The following NAP1L1 variants were observed in gnomAD, a reference collection of about 807,000 sequenced individuals.
The protein encoded by NAP1L1 is nucleosome assembly protein 1 like 1.
A neutral mutation model predicts 58.9 loss-of-function variants in NAP1L1; 9 were observed. The observed-to-expected ratio is 0.15, with a 90% CI of 0.09 to 0.27. NAP1L1 has a LOEUF of 0.27. Among genes scored for constraint, NAP1L1 ranks in the 10% least tolerant of loss-of-function variants. The pLI is 1.00. For missense variants in NAP1L1, 302 were observed against 458.8 expected (o/e 0.66, Z 3.12); for synonymous variants, 130 against 138.3 (o/e 0.94, Z 0.42).
At chr12:76,049,892 C>T in intron 12 of NAP1L1, 107 bp from the exon 13 acceptor site, 1 of 1,212,000 alleles carries the variant, frequency 8.3e-7, no homozygotes, top group Non-Finnish European at 1.2e-6. Flanking sequence ...AAGAGAAAAC[C>T]TACTTTCCTA....
chr12:76,059,313 C>T (rs978789308), intron 6 of NAP1L1, among the ~76,000 whole-genome samples: 15 of 152,326 alleles, frequency 9.8e-5, no homozygotes, highest in Admixed American at 2.6e-4. Context: ...TAATCATCAT[C>T]GTTCTGAGAG....
At chr12:76,062,062 A>C (rs916766613) in intron 4 of NAP1L1, among the ~76,000 whole-genome samples, 14 of 152,220 alleles carry the variant, frequency 9.2e-5, no homozygotes, top group African/African-American at 3.4e-4. Context: ...ACAAACTGGA[A>C]GATAGCAGTT....
chr12:76,071,710 G>C (rs1476524163), intron 2 of NAP1L1, among the ~76,000 whole-genome samples: 1 of 152,102 alleles, frequency 6.6e-6, no homozygotes, highest in Non-Finnish European at 1.5e-5. Flanking sequence ...GCTAAAACAA[G>C]AAAGTAAAAA....
intron 1 of NAP1L1, among the ~76,000 whole-genome samples, chr12:76,075,505 C>CTAG (rs1950140279): frequency 6.6e-6 from 1 of 152,106 alleles, no homozygotes; most frequent in African/African-American, 2.4e-5. Flanking sequence ...TATTACTGAC[C>CTAG]TAGTATCTAT....
At chr12:76,051,826 C>T (rs569161723) in intron 11 of NAP1L1, among the ~76,000 whole-genome samples, 380 of 152,186 alleles carry the variant, frequency 2.5e-3, no homozygotes, top group African/African-American at 9.0e-3. Flanking sequence ...ACCAGCCTGG[C>T]CAACATGGTG....
rs1948572650 is a variant in NAP1L1, at chr12:76,043,724, C to G, written c.*4705G>C. On this transcript the variant is annotated 3_prime_UTR_variant, in exon 15 of 15. Transcript: ENST00000618691. ...TCCTCCTGTTCCTCCACCTGAACTG[C>G]TCACCGTTCAGAGGTTCTTCCTCTC... is the stretch of plus-strand genomic sequence containing the variant. 6.6e-6 allele frequency: 1 copy of G among 152,148 alleles called. No homozygotes were observed. Among genetic ancestry groups the G allele is most frequent in the Non-Finnish European group, 1.5e-5 (1 of 68,040 alleles). 9.4% of individuals were successfully genotyped at this position (152,148 alleles called of 1,614,324 possible).
chr12:76,051,535 C>T (rs1273477229), intron 11 of NAP1L1, among the ~76,000 whole-genome samples: 1 of 152,122 alleles, frequency 6.6e-6, no homozygotes, highest in Admixed American at 6.6e-5. Flanking sequence ...CTAACTAAAT[C>T]AGGTGCCCCT....
At chr12:76,057,755 C>G (rs1949186045) in intron 6 of NAP1L1, 1 of 1,550,106 alleles carries the variant, frequency 6.5e-7, no homozygotes, top group Non-Finnish European at 8.7e-7. Flanking sequence ...GTGGAAAATT[C>G]ACCCAAACAA....
In NAP1L1 at chr12:76,050,050, C is replaced by T. The variant is rs529682848; in HGVS notation, c.1060-265G>A. 4.6e-5 allele frequency among the ~76,000 whole-genome samples: 7 copies of T among 152,278 alleles called. No individual in the cohort carries two copies. In the South Asian group the frequency reaches 1.0e-3, roughly 23 times the overall value. ...TTACTGTAAATATTACTCACCTACA[C>T]TTAAGTGTGGAATGCACTGTACGAA... On this transcript the variant is annotated intron_variant, in intron 12 of 14. Coordinates refer to ENST00000618691, the MANE Select transcript of NAP1L1 (RefSeq NM_004537.7).
chr12:76,066,688 A>G (rs1949690859), intron 4 of NAP1L1, among the ~76,000 whole-genome samples: 1 of 152,160 alleles, frequency 6.6e-6, no homozygotes, highest in Admixed American at 6.5e-5. Flanking sequence ...ATGAAGATGA[A>G]TCTATCTTCT....
Position 76,063,006 on chromosome 12 carries a change from A to G in NAP1L1, c.207-2727T>C, listed in dbSNP as rs149728589. 7.0e-3 allele frequency among the ~76,000 whole-genome samples: 1,063 copies of G among 152,280 alleles called. 9 individuals are homozygous for G. The highest frequency in any genetic ancestry group is 0.019 in the Admixed American group (289 of 15,304). ...AAAAAATAAATTGTAGTTTTTAAGA[A>G]CTCTGAATTTACTATTTCATAACCA... On this transcript the variant is annotated intron_variant, in intron 4 of 14. Coordinates refer to ENST00000618691, the MANE Select transcript of NAP1L1 (RefSeq NM_004537.7).
At chr12:76,074,395 T>C in intron 1 of NAP1L1, 156 bp from the exon 2 acceptor site, 6 of 973,630 alleles carry the variant, frequency 6.2e-6, no homozygotes, top group African/African-American at 1.8e-5. Context: ...AAAAAACTCA[T>C]GGAACATGCA....
intron 2 of NAP1L1, among the ~76,000 whole-genome samples, chr12:76,071,857 T>C (rs758224174): frequency 2.0e-5 from 3 of 151,906 alleles, no homozygotes; most frequent in Non-Finnish European, 4.4e-5. Context: ...TAGGACTATG[T>C]ACACATTAGA....
rs889282425 is a variant in NAP1L1 at position 76,041,109 on chromosome 12, G to C, written c.*7320C>G. 1.5e-4 allele frequency: 23 copies of C among 152,172 alleles called. No homozygotes were observed. The highest frequency in any genetic ancestry group is 5.3e-4 in the African/African-American group (22 of 41,442). 9.4% of individuals were successfully genotyped at this position (152,172 alleles called of 1,614,324 possible). A position where few individuals can be genotyped will look rare whatever the true frequency, so the allele number is the denominator to read the frequency against. Reference sequence around the variant, plus strand: ...GTTTCATTGGTTTTCTCAATCTACAGGAATATGACAACTACAAAAGACCTT... The same window carrying C: ...GTTTCATTGGTTTTCTCAATCTACACGAATATGACAACTACAAAAGACCTT... On this transcript the variant is annotated 3_prime_UTR_variant, in exon 15 of 15. Coordinates refer to ENST00000618691, the MANE Select transcript of NAP1L1 (RefSeq NM_004537.7).
intron 2 of NAP1L1, among the ~76,000 whole-genome samples, chr12:76,070,367 C>A (rs1464316797): frequency 1.3e-5 from 2 of 152,162 alleles, no homozygotes; most frequent in Non-Finnish European, 2.9e-5. Flanking sequence ...GTCCGCCTTC[C>A]AAAATCCTGG....
rs1871086038 is a variant in NAP1L1 at position 76,037,845 on chromosome 12, A to T, written c.*10584T>A. On this transcript the variant is annotated 3_prime_UTR_variant, in exon 15 of 15. Coordinates refer to ENST00000618691, the MANE Select transcript of NAP1L1 (RefSeq NM_004537.7). ...CACTAAATATCCAAGATCCTGGATG[A>T]GTGTTTTCGCCATTGTACCTAACGG... The T allele has an allele frequency of 2.0e-5, 3 of 152,208 alleles. No individual in the cohort carries two copies. The highest frequency in any genetic ancestry group is 2.0e-4 in the Admixed American group (3 of 15,276). 9.4% of individuals were successfully genotyped at this position (152,208 alleles called of 1,614,324 possible).
intron 6 of NAP1L1, chr12:76,057,764 A>G: frequency 6.4e-7 from 1 of 1,550,774 alleles, no homozygotes; most frequent in Non-Finnish European, 8.7e-7. Context: ...TCACCCAAAC[A>G]AGAAGCTGGA....
intron 4 of NAP1L1, among the ~76,000 whole-genome samples, chr12:76,066,096 C>T (rs1270430185): frequency 1.5e-5 from 2 of 136,456 alleles, no homozygotes; most frequent in African/African-American, 2.7e-5. Flanking sequence ...GAGGAGGACC[C>T]AAAATAAATA....
intron 9 of NAP1L1, 80 bp from the exon 10 acceptor site, chr12:76,053,430 A>C (rs979643021): frequency 1.3e-6 from 2 of 1,492,078 alleles, no homozygotes; most frequent in East Asian, 2.3e-5. Flanking sequence ...TGTTCTATTT[A>C]GATTTCAAAT....
Sources: gnomAD v4.1 joint callset for allele counts (sites outside exome capture counted in the v4.1 genomes callset) on GRCh38, gnomAD v4.1.1 for gene constraint, MANE v1.5 for transcripts, NCBI Gene and HGNC (gene_info 2026-07-23, HGNC 2026-07-21) for gene names.